The following VPS50 variants were observed in gnomAD, a reference collection of about 807,000 sequenced individuals.
VPS50 encodes the protein syndetin.
A neutral mutation model predicts 139.7 loss-of-function variants in VPS50; 70 were observed. The ratio of observed to expected loss-of-function variants is 0.50; its 90% CI spans 0.41 to 0.61. The LOEUF is 0.61. Among genes scored for constraint, VPS50 ranks in the 20% least tolerant of loss-of-function variants. VPS50 has a pLI of 0.00. For missense variants in VPS50, 921 were observed against 1,133.7 expected, an observed-to-expected ratio of 0.81 and a Z score of 2.69; for synonymous variants, 365 against 376.7, an observed-to-expected ratio of 0.97 and a Z score of 0.36.
chr7:93,234,777 T>C (rs1355360018), intron 1 of VPS50, among the ~76,000 whole-genome samples: 12 of 152,198 alleles, frequency 7.9e-5, no homozygotes, highest in African/African-American at 2.9e-4. Flanking sequence ...TCAGCTGTCC[T>C]GGGATCTTTG....
chr7:93,314,843 T>TG (rs1283109153), intron 20 of VPS50, among the ~76,000 whole-genome samples: 2 of 152,014 alleles, frequency 1.3e-5, no homozygotes, highest in Non-Finnish European at 2.9e-5. Flanking sequence ...TTCTTTTCAT[T>TG]GGGGGAAGGT....
intron 4 of VPS50, among the ~76,000 whole-genome samples, chr7:93,254,332 C>T (rs555890892): frequency 3.3e-5 from 5 of 152,302 alleles, no homozygotes; most frequent in African/African-American, 1.2e-4. Context: ...TGCGATTGCA[C>T]GATCATGGCT....
rs1400111729 is a variant in VPS50 at position 93,261,496 on chromosome 7, T to C, written c.659+1864T>C. 2.0e-5 allele frequency among the ~76,000 whole-genome samples: 3 copies of C among 151,796 alleles called. No individual in the cohort carries two copies. In the East Asian group the frequency reaches 5.8e-4, roughly 30 times the overall value. On this transcript the variant is annotated intron_variant, in intron 9 of 27. Transcript: ENST00000305866. Reference sequence around the variant, plus strand: ...ATCGAGACCATCCTGGCTAACACGGTGAAACCCCGTCTCTACTAAAAATAC... The same window carrying C: ...ATCGAGACCATCCTGGCTAACACGGCGAAACCCCGTCTCTACTAAAAATAC...
intron 1 of VPS50, 75 bp from the exon 2 acceptor site, chr7:93,239,791 T>G (rs987411571): frequency 4.9e-6 from 4 of 810,758 alleles, no homozygotes; most frequent in Admixed American, 2.2e-5. Context: ...TCATTTCTGT[T>G]TCAGTAGGTG....
chr7:93,285,178 A>T (rs1448269938), intron 12 of VPS50, among the ~76,000 whole-genome samples: 1 of 152,128 alleles, frequency 6.6e-6, no homozygotes, highest in Non-Finnish European at 1.5e-5. Flanking sequence ...TTTGAAATCC[A>T]TCTATCACTG....
chr7:93,266,227 A>G (rs1427855293), intron 9 of VPS50, among the ~76,000 whole-genome samples: 5 of 152,358 alleles, frequency 3.3e-5, no homozygotes, highest in African/African-American at 1.2e-4. Context: ...TGAACCATGT[A>G]CAAATTGGGC....
intron 22 of VPS50, among the ~76,000 whole-genome samples, chr7:93,338,842 A>C (rs1798135956): frequency 6.6e-6 from 1 of 152,164 alleles, no homozygotes; most frequent in Non-Finnish European, 1.5e-5. Flanking sequence ...TAGAAATAGG[A>C]GATGCTAGAG....
At chr7:93,296,468 C>T (rs914453028) in intron 14 of VPS50, among the ~76,000 whole-genome samples, 3 of 152,098 alleles carry the variant, frequency 2.0e-5, no homozygotes, top group Non-Finnish European at 4.4e-5. Context: ...GATAGAATTT[C>T]TGGTAATTCA....
At chr7:93,283,584 T>TTCAGA (rs1562867835) in intron 12 of VPS50, among the ~76,000 whole-genome samples, 1 of 152,204 alleles carries the variant, frequency 6.6e-6, no homozygotes, top group African/African-American at 2.4e-5. Flanking sequence ...CAGTCATCAG[T>TTCAGA]TCAGATCAGC....
chr7:93,254,219 G>C (rs561824219), intron 4 of VPS50, among the ~76,000 whole-genome samples: 1 of 152,198 alleles, frequency 6.6e-6, no homozygotes, highest in Non-Finnish European at 1.5e-5. Flanking sequence ...AGTACCTTTA[G>C]GCTCCTTGTC....
chr7:93,330,811 CT>C (rs1235508524), intron 21 of VPS50, among the ~76,000 whole-genome samples: 10 of 146,348 alleles, frequency 6.8e-5, no homozygotes, highest in Non-Finnish European at 1.2e-4. Context: ...AGATCCTAGT[CT>C]TTGTCATAAG....
chr7:93,262,774 C>A (rs1286611866), intron 9 of VPS50, among the ~76,000 whole-genome samples: 3 of 152,194 alleles, frequency 2.0e-5, no homozygotes, highest in Admixed American at 2.0e-4. Context: ...CTTCTCCACC[C>A]CATACCAGCA....
At chr7:93,323,013 T>C (rs1185566896) in intron 20 of VPS50, among the ~76,000 whole-genome samples, 1 of 152,180 alleles carries the variant, frequency 6.6e-6, no homozygotes, top group Non-Finnish European at 1.5e-5. Context: ...CCTGTGGATA[T>C]TGAGCTCTTG....
chr7:93,322,469 G>A (rs945629980), intron 20 of VPS50, among the ~76,000 whole-genome samples: 2 of 151,268 alleles, frequency 1.3e-5, no homozygotes, highest in South Asian at 2.1e-4. Context: ...GCGTGGTAGC[G>A]GGCGCCTGTA....
At chr7:93,241,676 C>T (rs1237850770) in intron 2 of VPS50, among the ~76,000 whole-genome samples, 1 of 151,768 alleles carries the variant, frequency 6.6e-6, no homozygotes, top group Non-Finnish European at 1.5e-5. Context: ...TGGCAAAGCT[C>T]CAGTCAGTAA....
intron 1 of VPS50, among the ~76,000 whole-genome samples, chr7:93,237,608 C>A (rs989702926): frequency 2.6e-5 from 4 of 152,130 alleles, no homozygotes; most frequent in African/African-American, 9.7e-5. Flanking sequence ...TATATTTCTT[C>A]AGGGATTTCT....
At chr7:93,264,695 C>T (rs763184634) in intron 9 of VPS50, among the ~76,000 whole-genome samples, 2 of 152,134 alleles carry the variant, frequency 1.3e-5, no homozygotes, top group African/African-American at 2.4e-5. Context: ...GGCAAATGAA[C>T]ACAGCTGACA....
At chr7:93,283,938 G>T (rs1362500026) in intron 12 of VPS50, among the ~76,000 whole-genome samples, 4 of 152,188 alleles carry the variant, frequency 2.6e-5, no homozygotes, top group African/African-American at 9.7e-5. Context: ...TGCCTATGGA[G>T]CACATGCTTT....
At chr7:93,276,935 A>T (rs117380781) in intron 12 of VPS50, among the ~76,000 whole-genome samples, 358 of 152,304 alleles carry the variant, frequency 2.4e-3, no homozygotes, top group Admixed American at 4.6e-3. Context: ...TCTGTTTGGT[A>T]TCTATTAAAC....
Sources: gnomAD v4.1 joint callset for allele counts (sites outside exome capture counted in the v4.1 genomes callset) on GRCh38, gnomAD v4.1.1 for gene constraint, MANE v1.5 for transcripts, NCBI Gene and HGNC (gene_info 2026-07-23, HGNC 2026-07-21) for gene names.